The following SYNPO2 variants were observed in gnomAD, a reference collection of about 807,000 sequenced individuals.
The protein encoded by SYNPO2 is synaptopodin 2.
Under a neutral mutation model 85.0 loss-of-function variants are expected in SYNPO2, and 56 were observed. The observed-to-expected ratio is 0.66, with a 90% CI of 0.53 to 0.82. SYNPO2 has a LOEUF of 0.82. SYNPO2 is among the 40% of genes least tolerant of loss of function. The pLI, the probability that SYNPO2 is intolerant of heterozygous loss-of-function variation, is 0.00. For synonymous variants in SYNPO2, 602 were observed against 591.1 expected, an observed-to-expected ratio of 1.02 and a Z score of -0.27; for missense variants, 1,575 against 1,534.2, an observed-to-expected ratio of 1.03 and a Z score of -0.44.
Position 118,959,004 on chromosome 4 carries a change from C to T in SYNPO2, c.106-64426C>T, listed in dbSNP as rs114594895. On this transcript the variant is annotated intron_variant, in intron 1 of 4. Transcript: ENST00000307142. ...TGGTAAGACAGATGACATTTTGACC[C>T]TACATGGTATATTTCTATTCAAAGG... Among the ~76,000 whole-genome samples the T allele has an allele frequency of 3.5e-3, 530 of 152,218 alleles. 6 individuals are homozygous for T. Among genetic ancestry groups the T allele is most frequent in the African/African-American group, 0.012 (498 of 41,532 alleles).
intron 1 of SYNPO2, among the ~76,000 whole-genome samples, chr4:118,954,122 A>G (rs1029064567): frequency 2.0e-5 from 3 of 152,324 alleles, no homozygotes; most frequent in East Asian, 3.9e-4. Context: ...AGGTTTCATG[A>G]TACAGTACAG....
chr4:119,040,051 A>C (rs536410893), intron 4 of SYNPO2, among the ~76,000 whole-genome samples: 45 of 152,330 alleles, frequency 3.0e-4, no homozygotes, highest in African/African-American at 9.6e-4. Context: ...TGTGAAACGA[A>C]GACAATAATA....
chr4:119,007,932 ATGAAGAATT>A (rs2149177278), intron 1 of SYNPO2, among the ~76,000 whole-genome samples: 1 of 152,354 alleles, frequency 6.6e-6, no homozygotes, highest in South Asian at 2.1e-4. Flanking sequence ...ATGTAGACTC[ATGAAGAATT>A]TGTAAGGTAC....
In SYNPO2 at chr4:118,967,573, A is replaced by G. The variant is rs373655643; in HGVS notation, c.106-55857A>G. ...TGCAGCTTCTTTGGCCAACTCAACTAAAAGTGCAGTGGGGAAGCCCCATTC... is the reference window on the plus strand; with the variant it reads ...TGCAGCTTCTTTGGCCAACTCAACTGAAAGTGCAGTGGGGAAGCCCCATTC... On this transcript the variant is annotated intron_variant, in intron 1 of 4. Coordinates refer to ENST00000307142, the MANE Select transcript of SYNPO2 (RefSeq NM_133477.3). Among the ~76,000 whole-genome samples the G allele has an allele frequency of 6.6e-5, 10 of 152,286 alleles. No homozygotes were observed. The South Asian group carries it at 1.7e-3, about 25-fold the overall frequency.
Position 119,025,108 on chromosome 4 carries a change from T to G in SYNPO2, c.258-1519T>G, listed in dbSNP as rs761371999. Among the ~76,000 whole-genome samples, 4 of 152,242 alleles carry G rather than the reference T, an allele frequency of 2.6e-5. No individual in the cohort carries two copies. In the South Asian group the frequency reaches 8.3e-4, roughly 31 times the overall value. On this transcript the variant is annotated intron_variant, in intron 2 of 4. Coordinates refer to ENST00000307142, the MANE Select transcript of SYNPO2 (RefSeq NM_133477.3). ...CTTTTATGATATTTACTCATGTCTATTTATTTTACTTCAGCTGCTGATAAA... is the reference window on the plus strand; with the variant it reads ...CTTTTATGATATTTACTCATGTCTAGTTATTTTACTTCAGCTGCTGATAAA...
At chr4:118,950,987 G>T (rs1284675082) in intron 1 of SYNPO2, among the ~76,000 whole-genome samples, 1 of 152,164 alleles carries the variant, frequency 6.6e-6, no homozygotes, top group Non-Finnish European at 1.5e-5. Context: ...GTATACATAA[G>T]TCAAGAGAAA....
At chr4:118,881,077 C>T (rs1732081556) in intron 1 of SYNPO2, among the ~76,000 whole-genome samples, 1 of 151,814 alleles carries the variant, frequency 6.6e-6, no homozygotes, top group Non-Finnish European at 1.5e-5. Flanking sequence ...CCTAGGTGGG[C>T]GGATCACAAG....
chr4:119,003,366 C>A (rs1290827523), intron 1 of SYNPO2, among the ~76,000 whole-genome samples: 3 of 152,154 alleles, frequency 2.0e-5, no homozygotes, highest in African/African-American at 7.2e-5. Context: ...CCCCATGATC[C>A]AATCACCTCC....
At chr4:118,900,689 CTCTCTCTCTCTCTCTATATATATATA>C (rs1261342348) in intron 1 of SYNPO2, among the ~76,000 whole-genome samples, 36 of 54,082 alleles carry the variant, frequency 6.7e-4, no homozygotes, top group Non-Finnish European at 9.1e-4. Flanking sequence ...CTCTCTCTCT[CTCTCTCTCTCTCTCTATATATATATA>C]TATATATATA....
At chr4:118,991,937 G>A (rs1312415803) in intron 1 of SYNPO2, among the ~76,000 whole-genome samples, 1 of 152,164 alleles carries the variant, frequency 6.6e-6, no homozygotes, top group Admixed American at 6.5e-5. Context: ...GTGCTTAATG[G>A]AGTTCGACTG....
intron 4 of SYNPO2, among the ~76,000 whole-genome samples, chr4:119,054,689 G>A (rs772269657): frequency 5.3e-5 from 8 of 152,204 alleles, no homozygotes; most frequent in Admixed American, 3.3e-4. Context: ...GGGGTGGGCC[G>A]CAGGTAGTTT....
chr4:119,048,971 A>ATAAAC (rs1738955026), intron 4 of SYNPO2, among the ~76,000 whole-genome samples: 1 of 152,354 alleles, frequency 6.6e-6, no homozygotes, highest in Admixed American at 6.5e-5. Flanking sequence ...CATATTAAGA[A>ATAAAC]TAAACTAAAG....
chr4:119,052,007 T>C (rs1739065176), intron 4 of SYNPO2, among the ~76,000 whole-genome samples: 1 of 152,092 alleles, frequency 6.6e-6, no homozygotes, highest in Non-Finnish European at 1.5e-5. Context: ...GGTTTCACCT[T>C]TTTACCTCAA....
intron 1 of SYNPO2, among the ~76,000 whole-genome samples, chr4:118,879,785 G>A (rs776063969): frequency 2.6e-5 from 4 of 152,186 alleles, no homozygotes; most frequent in Non-Finnish European, 5.9e-5. Context: ...CAGCAGTCAG[G>A]TACGTAACTG....
Position 119,058,076 on chromosome 4 carries a change from C to T in SYNPO2, c.*142C>T, listed in dbSNP as rs865924701. 2 of 564,440 alleles carry T rather than the reference C, an allele frequency of 3.5e-6. No individual in the cohort carries two copies. Among genetic ancestry groups the T allele is most frequent in the East Asian group, 3.5e-5 (1 of 28,916 alleles). The allele number at this position is 564,440 out of a possible 1,614,324, so 35.0% of individuals were successfully genotyped here. ...AAGTCATTTATCTAAGTTTGTGTTT[C>T]TGTGTGTGTGTGTGTGTGTGTATGT... is the stretch of plus-strand genomic sequence containing the variant. On this transcript the variant is annotated 3_prime_UTR_variant, in exon 5 of 5. Transcript: ENST00000307142.
chr4:119,041,091 TG>T (rs1171094236), intron 4 of SYNPO2, among the ~76,000 whole-genome samples: 1 of 152,234 alleles, frequency 6.6e-6, no homozygotes, highest in African/African-American at 2.4e-5. Context: ...GGAATTTTTG[TG>T]GGTTTTCTGG....
intron 1 of SYNPO2, among the ~76,000 whole-genome samples, chr4:118,872,284 A>C (rs1374254585): frequency 6.6e-6 from 1 of 152,162 alleles, no homozygotes; most frequent in African/African-American, 2.4e-5. Flanking sequence ...ACACTATTTT[A>C]AAATCAACTT....
intron 1 of SYNPO2, among the ~76,000 whole-genome samples, chr4:118,874,842 C>T (rs756928016): frequency 3.9e-5 from 6 of 152,132 alleles, no homozygotes; most frequent in Non-Finnish European, 8.8e-5. Context: ...ACACAAAATT[C>T]AGATACATGA....
chr4:118,965,378 TCA>T (rs1376626151), intron 1 of SYNPO2, among the ~76,000 whole-genome samples: 2 of 152,092 alleles, frequency 1.3e-5, no homozygotes, highest in African/African-American at 4.8e-5. Context: ...GTTCTACTCC[TCA>T]CATCATCCCT....
Sources: gnomAD v4.1 joint callset for allele counts (sites outside exome capture counted in the v4.1 genomes callset) on GRCh38, gnomAD v4.1.1 for gene constraint, MANE v1.5 for transcripts, NCBI Gene and HGNC (gene_info 2026-07-23, HGNC 2026-07-21) for gene names.